Variants in PRKAR1B observed in about 807,000 individuals in gnomAD.
PRKAR1B encodes the protein protein kinase cAMP-dependent type I regulatory subunit beta, also known as cAMP-dependent protein kinase type I-beta regulatory subunit.
PRKAR1B carries 22 observed loss-of-function variants against 46.5 expected under a neutral mutation model. The ratio of observed to expected loss-of-function variants is 0.47; its 90% CI spans 0.34 to 0.68. PRKAR1B has a LOEUF of 0.68. PRKAR1B is among the 30% of genes least tolerant of loss of function. The pLI is 0.01. For missense variants in PRKAR1B, 445 were observed against 535.6 expected, an observed-to-expected ratio of 0.83 and a Z score of 1.67; for synonymous variants, 259 against 217.7, an observed-to-expected ratio of 1.19 and a Z score of -1.67.
At chr7:601,520 T>G (rs942803832) in intron 6 of PRKAR1B, among the ~76,000 whole-genome samples, 3 of 152,266 alleles carry the variant, frequency 2.0e-5, no homozygotes, top group Non-Finnish European at 2.9e-5. Context: ...TTCCCTTAAA[T>G]GTGGCCTTCA....
intron 2 of PRKAR1B, among the ~76,000 whole-genome samples, chr7:690,889 C>T (rs1333410348): frequency 6.6e-6 from 1 of 152,246 alleles, no homozygotes; most frequent in African/African-American, 2.4e-5. Flanking sequence ...TCCTCCTCAG[C>T]GGGCCTGGCG....
chr7:551,166 C>T (rs938347645), intron 10 of PRKAR1B, among the ~76,000 whole-genome samples: 1 of 152,142 alleles, frequency 6.6e-6, no homozygotes, highest in Non-Finnish European at 1.5e-5. Flanking sequence ...TGGGGGACCC[C>T]ACGTCCAGGG....
intron 4 of PRKAR1B, among the ~76,000 whole-genome samples, chr7:612,418 G>C (rs1353107219): frequency 6.7e-6 from 1 of 150,182 alleles, no homozygotes; most frequent in Non-Finnish European, 1.5e-5. Context: ...GGACAGGTGG[G>C]TGGATGAACA....
At chr7:684,585 C>T (rs115282894) in intron 2 of PRKAR1B, among the ~76,000 whole-genome samples, 1,896 of 152,224 alleles carry the variant, frequency 0.012, 35 homozygotes, top group African/African-American at 0.042. Flanking sequence ...ACGGAGGGAA[C>T]GGTTCTGCTG....
chr7:577,861 C>T (rs1779948249), intron 9 of PRKAR1B, among the ~76,000 whole-genome samples: 1 of 152,238 alleles, frequency 6.6e-6, no homozygotes, highest in Non-Finnish European at 1.5e-5. Flanking sequence ...TTTGGTGTTA[C>T]AGCTCGGAGC....
At chr7:681,973 G>A (rs1778709480) in intron 2 of PRKAR1B, among the ~76,000 whole-genome samples, 1 of 152,136 alleles carries the variant, frequency 6.6e-6, no homozygotes, top group South Asian at 2.1e-4. Context: ...GACACACCGG[G>A]CCCTGAGCTG....
intron 2 of PRKAR1B, chr7:691,576 G>A (rs1010672523): frequency 1.7e-5 from 22 of 1,304,292 alleles, no homozygotes; most frequent in African/African-American, 9.1e-5. Context: ...CCGCCTACAC[G>A]CAGTCCTTTC....
At chr7:705,718 A>G (rs920656218) in intron 2 of PRKAR1B, among the ~76,000 whole-genome samples, 2 of 152,160 alleles carry the variant, frequency 1.3e-5, no homozygotes, top group African/African-American at 4.8e-5. Flanking sequence ...AAAATGCAGG[A>G]CCTGTTGATG....
intron 6 of PRKAR1B, among the ~76,000 whole-genome samples, chr7:600,391 G>A (rs888770720): frequency 6.6e-6 from 1 of 152,168 alleles, no homozygotes; most frequent in African/African-American, 2.4e-5. Context: ...GGTAGTCCCA[G>A]CTTCTCGGGA....
At chr7:718,786 T>A (rs1380755626) in intron 1 of PRKAR1B, among the ~76,000 whole-genome samples, 1 of 151,630 alleles carries the variant, frequency 6.6e-6, no homozygotes, top group Non-Finnish European at 1.5e-5. Flanking sequence ...GTTCTCCATA[T>A]CCCTGACCTT....
rs1255541372 is a variant in PRKAR1B, at chr7:636,327, C to CT, written c.441-28876_441-28875insA. Among the ~76,000 whole-genome samples, 45 of 10,408 alleles carry CT rather than the reference C, an allele frequency of 4.3e-3. 1 individual carries two copies. Among genetic ancestry groups the CT allele is most frequent in the Admixed American group, 6.9e-3 (9 of 1,302 alleles). 6.8% of individuals were successfully genotyped at this position (10,408 alleles called of 152,430 possible). A position where few individuals can be genotyped will look rare whatever the true frequency, so the allele number is the denominator to read the frequency against. On this transcript the variant is annotated intron_variant, in intron 4 of 10. Transcript: ENST00000537384. ...ACGTCCTCCACCGGCCGCGCCCACA[C>CT]GTCCTCCACCGGCCGCGCCCACACG...
Position 568,239 on chromosome 7 carries a change from G to A in PRKAR1B, c.891+11017C>T, listed in dbSNP as rs368112678. On this transcript the variant is annotated intron_variant, in intron 9 of 10. Transcript: ENST00000537384. ...CTGGCCCCACACGTTTCCCACCCCTGTCCTGGAGGCATGGCCGAGCCACAA... is the reference window on the plus strand; with the variant it reads ...CTGGCCCCACACGTTTCCCACCCCTATCCTGGAGGCATGGCCGAGCCACAA... 2.2e-3 allele frequency among the ~76,000 whole-genome samples: 330 copies of A among 152,042 alleles called. 1 individual carries two copies. The highest frequency in any genetic ancestry group is 7.7e-3 in the African/African-American group (321 of 41,480).
At chr7:659,923 G>A (rs763564719) in intron 4 of PRKAR1B, among the ~76,000 whole-genome samples, 2 of 152,100 alleles carry the variant, frequency 1.3e-5, no homozygotes, top group Non-Finnish European at 2.9e-5. Flanking sequence ...AGGAAGAGAA[G>A]GGGGAGGAGG....
At chr7:613,177 C>A (rs1782621704) in intron 4 of PRKAR1B, among the ~76,000 whole-genome samples, 1 of 148,754 alleles carries the variant, frequency 6.7e-6, no homozygotes, top group African/African-American at 2.5e-5. Flanking sequence ...AGGCTAATAG[C>A]AACTGTGGGG....
At position 551,459 on chromosome 7, in the gene PRKAR1B, G is replaced by T; in HGVS notation, c.903C>A (p.Ser301=). ...DFYIITEGTA[S]VLQRRSPNEE... ...CATTGGGGGACCGGCGCTGCAGCAC[G>T]GACGCGGTGCCCTGTGGGTGGAGGT... is the stretch of plus-strand genomic sequence containing the variant. Residue 301 remains serine (S), a synonymous_variant, in exon 10 of 11, where the codon TCC becomes TCA. Coordinates refer to ENST00000537384, the MANE Select transcript of PRKAR1B (RefSeq NM_001164760.2). 4 of 1,555,102 alleles carry T rather than the reference G, an allele frequency of 2.6e-6. No homozygotes were observed. Among genetic ancestry groups the T allele is most frequent in the South Asian group, 2.4e-5 (2 of 84,538 alleles).
chr7:686,249 C>T (rs904950055), intron 2 of PRKAR1B, among the ~76,000 whole-genome samples: 11 of 150,986 alleles, frequency 7.3e-5, no homozygotes, highest in South Asian at 2.1e-4. Flanking sequence ...TGCAGTGAGC[C>T]GAAATCGTAC....
intron 1 of PRKAR1B, among the ~76,000 whole-genome samples, chr7:718,114 G>C (rs74337705): frequency 6.6e-6 from 1 of 151,884 alleles, no homozygotes; most frequent in Non-Finnish European, 1.5e-5. Flanking sequence ...ACTTGGGAAC[G>C]GTCCCTTCCT....
In PRKAR1B at chr7:671,532, C is replaced by T. The variant is rs578116648; in HGVS notation, c.440+5697G>A. ...AGAGTGTAGCGACACAATCTCGGCT[C>T]ACTGTAGCCTTGAACTCCTGAGCTC... On this transcript the variant is annotated intron_variant, in intron 4 of 10. Coordinates refer to ENST00000537384, the MANE Select transcript of PRKAR1B (RefSeq NM_001164760.2). Among the ~76,000 whole-genome samples, 21 of 152,290 alleles carry T rather than the reference C, an allele frequency of 1.4e-4. 1 individual carries two copies.
rs1412914843 is a variant in PRKAR1B, at chr7:644,017, A to G, written c.440+33212T>C. Among the ~76,000 whole-genome samples, 3 of 152,150 alleles carry G rather than the reference A, an allele frequency of 2.0e-5. No homozygotes were observed. Among genetic ancestry groups the G allele is most frequent in the Non-Finnish European group, 4.4e-5 (3 of 68,026 alleles). ...AATTCCCACCCACAAACCCGTGAGC[A>G]TGATGAAATGCCGGCTGCCCAGTGC... On this transcript the variant is annotated intron_variant, in intron 4 of 10. Transcript: ENST00000537384. The surrounding 1 kb of genome is among the most constrained non-coding windows in gnomAD (Gnocchi z 4.9).
Sources: allele counts gnomAD v4.1 joint callset (sites outside exome capture counted in the v4.1 genomes callset), GRCh38; gene constraint gnomAD v4.1.1; non-coding constraint Gnocchi (gnomAD v3.1); transcripts MANE v1.5; gene names NCBI Gene and HGNC (gene_info 2026-07-23, HGNC 2026-07-21).